CTNNA3: variants seen among roughly 807,000 people sequenced by gnomAD.
The protein encoded by CTNNA3 is catenin alpha-3.
In CTNNA3, 76 loss-of-function variants were observed where a neutral mutation model predicts 95.7. The observed-to-expected ratio is 0.79, with a 90% CI of 0.66 to 0.96. CTNNA3 has a LOEUF of 0.96. Among genes scored for constraint, CTNNA3 ranks in the 40% least tolerant of loss-of-function variants. The pLI, the probability that CTNNA3 is intolerant of heterozygous loss-of-function variation, is 0.00. For missense variants in CTNNA3, 1,191 were observed against 1,089.8 expected (o/e 1.09, Z -1.31); for synonymous variants, 431 against 374.4 (o/e 1.15, Z -1.74).
chr10:67,545,739 G>C (rs150116280), intron 3 of CTNNA3, among the ~76,000 whole-genome samples: 1 of 152,234 alleles, frequency 6.6e-6, no homozygotes, highest in Admixed American at 6.5e-5. Context: ...TTTGGTTGTG[G>C]TTTCGGTCAA....
rs560174230 is a variant in CTNNA3 at position 65,963,063 on chromosome 10, T to C, written c.2400+3549A>G. On this transcript the variant is annotated intron_variant, in intron 17 of 17. Coordinates refer to ENST00000433211, the MANE Select transcript of CTNNA3 (RefSeq NM_013266.4). ...CATTCCTAAATAGGTCTCAATCCTT[T>C]AGTCCCTTATCTTTCTAATCTATCA... 8.5e-5 allele frequency among the ~76,000 whole-genome samples: 13 copies of C among 152,338 alleles called. No individual in the cohort carries two copies. In the South Asian group the frequency reaches 2.7e-3, roughly 32 times the overall value.
intron 11 of CTNNA3, among the ~76,000 whole-genome samples, chr10:66,463,591 A>G (rs1458647857): frequency 6.6e-6 from 1 of 152,218 alleles, no homozygotes; most frequent in African/African-American, 2.4e-5. Context: ...CTTTACCAGT[A>G]AAACTGCATA....
chr10:66,663,904 A>G (rs948171832), intron 9 of CTNNA3, among the ~76,000 whole-genome samples: 2 of 152,262 alleles, frequency 1.3e-5, no homozygotes, highest in East Asian at 3.9e-4. Flanking sequence ...TTAGTCTCCA[A>G]AGAATTTTTT....
At position 66,717,375 on chromosome 10, in the gene CTNNA3, C is replaced by G. The variant is rs568707066; in HGVS notation, c.1281+48889G>C. Among the ~76,000 whole-genome samples the G allele has an allele frequency of 2.0e-5, 3 of 152,132 alleles. No individual in the cohort carries two copies. The South Asian group carries it at 6.2e-4, about 32-fold the overall frequency. On this transcript the variant is annotated intron_variant, in intron 9 of 17. Transcript: ENST00000433211. ...CTTATCTTTATACCTTCTGATAGCA[C>G]GTTGGACAAACCACGGTTTCTAGAA...
chr10:67,732,362 A>G (rs1841280246), intron 1 of CTNNA3, among the ~76,000 whole-genome samples: 1 of 152,204 alleles, frequency 6.6e-6, no homozygotes, highest in African/African-American at 2.4e-5. Flanking sequence ...GGGCATCTGA[A>G]TAGGACATAG....
intron 12 of CTNNA3, among the ~76,000 whole-genome samples, chr10:66,361,196 TG>T (rs2092671852): frequency 1.3e-5 from 2 of 151,146 alleles, no homozygotes; most frequent in South Asian, 2.1e-4. Context: ...CTCGAACCCC[TG>T]GGCTCAAGCA....
chr10:67,179,892 C>T (rs1435344913), intron 7 of CTNNA3, among the ~76,000 whole-genome samples: 19 of 152,136 alleles, frequency 1.2e-4, no homozygotes, highest in Non-Finnish European at 7.4e-5. Context: ...CGCCTTCAAA[C>T]ATAGCTCATG....
At chr10:67,305,207 T>A (rs756750519) in intron 5 of CTNNA3, among the ~76,000 whole-genome samples, 1 of 151,072 alleles carries the variant, frequency 6.6e-6, no homozygotes, top group Non-Finnish European at 1.5e-5. Flanking sequence ...ACCCGGGAGG[T>A]GGAGCTTGCA....
At chr10:67,266,489 T>G (rs1336342909) in intron 5 of CTNNA3, among the ~76,000 whole-genome samples, 1 of 152,106 alleles carries the variant, frequency 6.6e-6, no homozygotes, top group Non-Finnish European at 1.5e-5. Context: ...TAGATAGCAG[T>G]TAGAATATTG....
At chr10:67,187,378 A>C (rs183106475) in intron 6 of CTNNA3, among the ~76,000 whole-genome samples, 281 of 152,200 alleles carry the variant, frequency 1.8e-3, no homozygotes, top group Non-Finnish European at 3.1e-3. Flanking sequence ...GTAAGTACCA[A>C]ATCCATACAC....
rs545861424 is a variant in CTNNA3, at chr10:66,402,000, T to C, written c.1532-22648A>G. ...TGGTAAATAGAAATTTAGTTGTAAA[T>C]AGATAGCTCCACCGATAGTGAGGTT... On this transcript the variant is annotated intron_variant, in intron 11 of 17. Transcript: ENST00000433211. Among the ~76,000 whole-genome samples the C allele has an allele frequency of 2.2e-4, 34 of 152,174 alleles. 1 individual carries two copies. Among genetic ancestry groups the C allele is most frequent in the Admixed American group, 2.0e-3 (31 of 15,276 alleles).
chr10:65,987,400 C>A lies in CTNNA3; in HGVS notation c.2265+1292G>T, dbSNP rs558874660. On this transcript the variant is annotated intron_variant, in intron 16 of 17. Coordinates refer to ENST00000433211, the MANE Select transcript of CTNNA3 (RefSeq NM_013266.4). ...TAGTCATCTCTCAAAAGAAGACATA[C>A]AAATGGCCAACAGGTATATGAAAAA... Among the ~76,000 whole-genome samples the A allele has an allele frequency of 5.7e-4, 86 of 151,936 alleles. 2 individuals carry two copies. Among genetic ancestry groups the A allele is most frequent in the Admixed American group, 4.2e-3 (64 of 15,260 alleles).
chr10:67,407,652 C>A (rs142525010), intron 5 of CTNNA3, among the ~76,000 whole-genome samples: 7 of 152,034 alleles, frequency 4.6e-5, no homozygotes, highest in Non-Finnish European at 1.0e-4. Context: ...GACATAATTG[C>A]GTATCTAGAA....
intron 12 of CTNNA3, among the ~76,000 whole-genome samples, chr10:66,364,375 T>A (rs2132440892): frequency 6.6e-6 from 1 of 152,086 alleles, no homozygotes; most frequent in Admixed American, 6.6e-5. Flanking sequence ...AGATCCCATC[T>A]CAATTTTTTA....
chr10:66,445,239 C>T (rs868817635), intron 11 of CTNNA3, among the ~76,000 whole-genome samples: 2 of 152,014 alleles, frequency 1.3e-5, no homozygotes, highest in Middle Eastern at 3.4e-3. Context: ...ATTAACACCC[C>T]ACTGTCAACA....
chr10:66,676,688 T>C (rs952573339), intron 9 of CTNNA3, among the ~76,000 whole-genome samples: 1 of 152,126 alleles, frequency 6.6e-6, no homozygotes, highest in African/African-American at 2.4e-5. Context: ...ATATTTTCCA[T>C]GTACTACCAC....
chr10:67,531,196 C>G (rs1164345778), intron 4 of CTNNA3, among the ~76,000 whole-genome samples: 1 of 152,156 alleles, frequency 6.6e-6, no homozygotes, highest in Non-Finnish European at 1.5e-5. Context: ...CCTAGTGGAG[C>G]TGTGAGAAGA....
intron 9 of CTNNA3, among the ~76,000 whole-genome samples, chr10:66,625,708 C>T (rs1844911589): frequency 6.6e-6 from 1 of 152,176 alleles, no homozygotes; most frequent in South Asian, 2.1e-4. Context: ...GTTCTGTATA[C>T]TAGTTAGTAT....
intron 15 of CTNNA3, among the ~76,000 whole-genome samples, chr10:66,028,970 G>A (rs140886940): frequency 2.0e-5 from 3 of 151,902 alleles, no homozygotes; most frequent in African/African-American, 7.2e-5. Flanking sequence ...TGGAAGAATT[G>A]GAAGATAAAA....
Sources: gnomAD v4.1 joint callset for allele counts (sites outside exome capture counted in the v4.1 genomes callset) on GRCh38, gnomAD v4.1.1 for gene constraint, MANE v1.5 for transcripts, NCBI Gene and HGNC (gene_info 2026-07-23, HGNC 2026-07-21) for gene names.